STPG1: variants seen among roughly 807,000 people sequenced by gnomAD.
STPG1 encodes the protein sperm tail PG-rich repeat containing 1.
STPG1 carries 33 observed loss-of-function variants against 40.1 expected under a neutral mutation model. The ratio of observed to expected loss-of-function variants is 0.82; its 90% CI spans 0.62 to 1.10. STPG1 has a LOEUF of 1.10. Among genes scored for constraint, STPG1 ranks in the 50% least tolerant of loss-of-function variants. STPG1 has a pLI of 0.00. For missense variants in STPG1, 396 were observed against 415.1 expected (o/e 0.95, Z 0.40); for synonymous variants, 150 against 155.0 (o/e 0.97, Z 0.24).
At position 24,363,820 on chromosome 1, in the gene STPG1, GAGC is replaced by G. The variant is rs567288069; in HGVS notation, c.738-2782_738-2780del. On this transcript the variant is annotated intron_variant, in intron 7 of 8. Transcript: ENST00000337248. ...GCATTTCCAGCAGAGGGAACAGCAGGAGCAAAAGCATGGAATGGGGAAAGCTGT... is the reference window on the plus strand; with the variant it reads ...GCATTTCCAGCAGAGGGAACAGCAGGAAAAGCATGGAATGGGGAAAGCTGT... Among the ~76,000 whole-genome samples the G allele has an allele frequency of 2.2e-3, 336 of 152,276 alleles. 2 individuals carry two copies. Among genetic ancestry groups the G allele is most frequent in the African/African-American group, 7.6e-3 (317 of 41,550 alleles).
chr1:24,379,526 T>C, intron 5 of STPG1, 127 bp downstream of exon 5: 1 of 1,026,632 alleles, frequency 9.7e-7, no homozygotes. Context: ...ACCCATTGGG[T>C]AGTCAACAAA....
rs1448186733 is a variant in STPG1, at chr1:24,359,306, G to A, written c.929-687C>T. Among the ~76,000 whole-genome samples the A allele has an allele frequency of 6.6e-6, 1 of 152,220 alleles. No homozygotes were observed. The highest frequency in any genetic ancestry group is 1.5e-5 in the Non-Finnish European group (1 of 68,044). On this transcript the variant is annotated intron_variant, in intron 8 of 8. Coordinates refer to ENST00000337248, the MANE Select transcript of STPG1 (RefSeq NM_001199013.2). The surrounding 1 kb of genome is among the most constrained non-coding windows in gnomAD (Gnocchi z 5.3). ...GTGCCAGGTGCCTAGCACCACATACGGCATGGAAAAGTCATTCGGGCAATG... is the reference window on the plus strand; with the variant it reads ...GTGCCAGGTGCCTAGCACCACATACAGCATGGAAAAGTCATTCGGGCAATG...
At chr1:24,378,493 G>C (rs1642132018) in intron 5 of STPG1, among the ~76,000 whole-genome samples, 1 of 152,112 alleles carries the variant, frequency 6.6e-6, no homozygotes, top group South Asian at 2.1e-4. Flanking sequence ...AAATTAGCCG[G>C]GTGTGGTGGC....
At chr1:24,410,376 C>T (rs543207507) in intron 1 of STPG1, among the ~76,000 whole-genome samples, 6 of 152,256 alleles carry the variant, frequency 3.9e-5, no homozygotes, top group African/African-American at 1.4e-4. Flanking sequence ...TTTGCGAGGC[C>T]GAGGTGGGCG....
intron 2 of STPG1, among the ~76,000 whole-genome samples, chr1:24,394,696 C>T (rs138036880): frequency 6.6e-6 from 1 of 151,974 alleles, no homozygotes; most frequent in East Asian, 1.9e-4. Context: ...ATTAAAAATA[C>T]ACTAGATGAG....
intron 1 of STPG1, among the ~76,000 whole-genome samples, chr1:24,410,475 G>A (rs1434164637): frequency 6.6e-6 from 1 of 152,152 alleles, no homozygotes; most frequent in East Asian, 1.9e-4. Flanking sequence ...TGGACATGGT[G>A]GCGTGCACCT....
chr1:24,369,193 G>A (rs567027418), intron 7 of STPG1: 20 of 366,008 alleles, frequency 5.5e-5, no homozygotes, highest in African/African-American at 1.1e-4. Flanking sequence ...AACTTCCATC[G>A]GTATAAAGCT....
chr1:24,411,918 A>T (rs1643687653), intron 1 of STPG1: 1 of 152,144 alleles, frequency 6.6e-6, no homozygotes, highest in Non-Finnish European at 1.5e-5. Flanking sequence ...TCTAATTGCT[A>T]GAAAGTTCCT....
In STPG1 at chr1:24,358,535, T is replaced by C. The variant is rs759435827; in HGVS notation, c.*8A>G. ...GGCTGGAGTTCTCCTTGACCTTGTG[T>C]GACATCCCTACAGAACCGGGATCCA... On this transcript the variant is annotated 3_prime_UTR_variant, in exon 9 of 9. Transcript: ENST00000337248. The C allele has an allele frequency of 1.2e-6, 2 of 1,611,374 alleles. No individual in the cohort carries two copies. Among genetic ancestry groups the C allele is most frequent in the Admixed American group, 3.3e-5 (2 of 60,018 alleles).
In STPG1 at chr1:24,383,846, T is replaced by C. The variant is rs1023807311; in HGVS notation, c.291+56A>G. 11 of 1,109,916 alleles carry C rather than the reference T, an allele frequency of 9.9e-6. No individual in the cohort carries two copies. The Admixed American group carries it at 1.4e-4, about 14-fold the overall frequency. 68.8% of individuals were successfully genotyped at this position (1,109,916 alleles called of 1,614,324 possible). A position where few individuals can be genotyped will look rare whatever the true frequency, so the allele number is the denominator to read the frequency against. ...AGATGTCCAATATATAATTATGCAA[T>C]GAATGAAGGAAATTACTGACCAGTT... On this transcript the variant is annotated intron_variant, in intron 4 of 8. Coordinates refer to ENST00000337248, the MANE Select transcript of STPG1 (RefSeq NM_001199013.2).
In STPG1 at chr1:24,360,424, C is replaced by T. The variant is rs1029898490; in HGVS notation, c.928+427G>A. On this transcript the variant is annotated intron_variant, in intron 8 of 8. Coordinates refer to ENST00000337248, the MANE Select transcript of STPG1 (RefSeq NM_001199013.2). ...CCGCACTACTGCACTCCAGCCTGGG[C>T]GATACAGCGAGACTCCGTCTCAAAA... Among the ~76,000 whole-genome samples the T allele has an allele frequency of 3.9e-5, 6 of 152,000 alleles. No homozygotes were observed. The South Asian group carries it at 1.2e-3, about 32-fold the overall frequency.
chr1:24,401,435 T>C lies in STPG1; in HGVS notation c.-47A>G. On this transcript the variant is annotated 5_prime_UTR_variant, in exon 2 of 9. The change abolishes the stop of an existing upstream ORF in the 5' untranslated region. Coordinates refer to ENST00000337248, the MANE Select transcript of STPG1 (RefSeq NM_001199013.2). ...GTTCCATTTGTTTGATGAAAAGTTC[T>C]ACTGCATGTTCTCCTAAGCACCTGA... is the stretch of plus-strand genomic sequence containing the variant. The C allele has an allele frequency of 6.5e-7, 1 of 1,543,470 alleles. No homozygotes were observed. The highest frequency in any genetic ancestry group is 8.9e-7 in the Non-Finnish European group (1 of 1,118,112).
intron 1 of STPG1, chr1:24,412,118 T>C (rs1452175375): frequency 1.3e-5 from 2 of 152,248 alleles, no homozygotes; most frequent in Non-Finnish European, 2.9e-5. Flanking sequence ...TGGGTCACAA[T>C]ATAAAATGCA....
chr1:24,367,372 A>C (rs962831135), intron 7 of STPG1, among the ~76,000 whole-genome samples: 3 of 152,210 alleles, frequency 2.0e-5, no homozygotes, highest in Non-Finnish European at 4.4e-5. Flanking sequence ...CTCCACTCTT[A>C]TGTTATTTCA....
rs1640967463 is a variant in STPG1 at position 24,359,670 on chromosome 1, C to T, written c.929-1051G>A. Reference sequence around the variant, plus strand: ...TCTTGGCTCCCTCGCACGGGAGCATCGTCAACACTCACAGAAAGGCTGGGT... The same window carrying T: ...TCTTGGCTCCCTCGCACGGGAGCATTGTCAACACTCACAGAAAGGCTGGGT... On this transcript the variant is annotated intron_variant, in intron 8 of 8. Coordinates refer to ENST00000337248, the MANE Select transcript of STPG1 (RefSeq NM_001199013.2). The surrounding 1 kb of genome is among the most constrained non-coding windows in gnomAD (Gnocchi z 5.3). 2.0e-5 allele frequency among the ~76,000 whole-genome samples: 3 copies of T among 152,180 alleles called. No homozygotes were observed. The highest frequency in any genetic ancestry group is 1.9e-4 in the East Asian group (1 of 5,182).
At chr1:24,381,259 C>A (rs191881609) in intron 4 of STPG1, among the ~76,000 whole-genome samples, 45 of 152,310 alleles carry the variant, frequency 3.0e-4, no homozygotes, top group Admixed American at 2.5e-3. Flanking sequence ...AGAACACCTA[C>A]AACTTACATT....
At chr1:24,408,804 T>C (rs955832257) in intron 1 of STPG1, among the ~76,000 whole-genome samples, 1 of 152,224 alleles carries the variant, frequency 6.6e-6, no homozygotes, top group African/African-American at 2.4e-5. Flanking sequence ...ACCATTTATA[T>C]ATACTAATGA....
chr1:24,382,353 A>C (rs1642323679), intron 4 of STPG1, among the ~76,000 whole-genome samples: 1 of 152,208 alleles, frequency 6.6e-6, no homozygotes, highest in South Asian at 2.1e-4. Context: ...TAACAATCAT[A>C]ATATTTAGCA....
chr1:24,390,402 T>C (rs1642710846), intron 3 of STPG1, among the ~76,000 whole-genome samples: 1 of 152,090 alleles, frequency 6.6e-6, no homozygotes, highest in Non-Finnish European at 1.5e-5. Context: ...CACAGGAATA[T>C]GATAACACAT....
Sources: allele counts gnomAD v4.1 joint callset (sites outside exome capture counted in the v4.1 genomes callset), GRCh38; gene constraint gnomAD v4.1.1; non-coding constraint Gnocchi (gnomAD v3.1); transcripts MANE v1.5; gene names NCBI Gene and HGNC (gene_info 2026-07-23, HGNC 2026-07-21).